Variants in HBEGF observed in about 807,000 individuals in gnomAD.
HBEGF encodes the protein heparin binding EGF like growth factor, also known as proheparin-binding EGF-like growth factor.
HBEGF carries 8 observed loss-of-function variants against 19.5 expected under a neutral mutation model. The ratio of observed to expected loss-of-function variants is 0.41; its 90% CI spans 0.24 to 0.74. HBEGF has a LOEUF of 0.74. Among genes scored for constraint, HBEGF ranks in the 30% least tolerant of loss-of-function variants. HBEGF has a pLI of 0.32. For synonymous variants in HBEGF, 97 were observed against 108.9 expected (o/e 0.89, Z 0.68); for missense variants, 207 against 256.9 (o/e 0.81, Z 1.33).
In HBEGF at chr5:140,345,951, T is replaced by C. The variant is rs1173447560; in HGVS notation, c.180A>G (p.Lys60=). The C allele has an allele frequency of 1.2e-6, 2 of 1,614,176 alleles. No homozygotes were observed. Among genetic ancestry groups the C allele is most frequent in the Non-Finnish European group, 1.7e-6 (2 of 1,180,024 alleles). The part of the protein sequence containing the change: ...LLPLGGGRDR[K]VRDLQEADLD... ...GATCTGCCTCTTGCAAGTCACGGAC[T>C]TTCCGGTCCCGGCCGCCTCCTAGGG... The change falls in exon 2 of 6, where the codon AAA becomes AAG. Residue 60 remains lysine, a synonymous_variant. Transcript: ENST00000230990.
At chr5:140,334,402 G>A in intron 5 of HBEGF, 122 bp from the exon 6 acceptor site, 2 of 475,996 alleles carry the variant, frequency 4.2e-6, no homozygotes, top group Non-Finnish European at 3.7e-6. Context: ...GTCTCCCAGG[G>A]GAGGAGAGGG....
Position 140,335,891 on chromosome 5 carries a change from C to T in HBEGF, c.535G>A (p.Val179Met), listed in dbSNP as rs372966735. 16 of 1,614,070 alleles carry T rather than the reference C, an allele frequency of 9.9e-6. No individual in the cohort carries two copies. The highest frequency in any genetic ancestry group is 2.2e-5 in the South Asian group (2 of 91,068). The stretch of plus-strand genomic sequence containing the variant: ...ACTCACCTAAACATGAGAAGCCCCA[C>T]GATGACCAGCAGACAGACAGATGAC... ...VLSSVCLLVI[V>M]GLLMFRYHRR... is the part of the protein sequence containing the mutation. The change falls in exon 4 of 6, where the codon GTG becomes ATG. Residue 179 changes from valine (V) to methionine (M), a missense_variant. Transcript: ENST00000230990.
At chr5:140,337,851 A>G (rs375820389) in intron 3 of HBEGF, among the ~76,000 whole-genome samples, 165 of 152,338 alleles carry the variant, frequency 1.1e-3, no homozygotes, top group African/African-American at 3.8e-3. Context: ...ACACTTGCAC[A>G]AGCACCCCTG....
At chr5:140,334,942 T>C (rs1296503946) in intron 4 of HBEGF, 194 bp from the exon 5 acceptor site, 1 of 608,702 alleles carries the variant, frequency 1.6e-6, no homozygotes, top group Admixed American at 2.9e-5. Flanking sequence ...CAGGATGCAA[T>C]TTACAAATAG....
At position 140,346,150 on chromosome 5, in the gene HBEGF, C is replaced by T; in HGVS notation, c.47-66G>A. On this transcript the variant is annotated intron_variant, in intron 1 of 5. Transcript: ENST00000230990. This position sits in a 1 kb window ranked among gnomAD's most constrained non-coding sequence, Gnocchi z 6.1. Reference sequence around the variant, plus strand: ...ACCCCTGACCAACACGCACCGATGCCGACGCCCGTCCGCCAGAGCGCAAGG... The same window carrying T: ...ACCCCTGACCAACACGCACCGATGCTGACGCCCGTCCGCCAGAGCGCAAGG... 6.4e-7 allele frequency: 1 copy of T among 1,569,040 alleles called. No homozygotes were observed. Among genetic ancestry groups the T allele is most frequent in the Non-Finnish European group, 8.6e-7 (1 of 1,158,510 alleles).
At chr5:140,334,782 C>G (rs1766202931) in intron 4 of HBEGF, 34 bp from the exon 5 acceptor site, 1 of 1,520,248 alleles carries the variant, frequency 6.6e-7, no homozygotes, top group South Asian at 1.1e-5. Context: ...TAAGCCCTGC[C>G]TGCTATGACA....
At chr5:140,339,134 C>T (rs925867619) in intron 3 of HBEGF, among the ~76,000 whole-genome samples, 1 of 152,244 alleles carries the variant, frequency 6.6e-6, no homozygotes, top group Non-Finnish European at 1.5e-5. Flanking sequence ...ATTACATAAT[C>T]AGACTCCAGA....
Position 140,346,149 on chromosome 5 carries a change from C to A in HBEGF, c.47-65G>T. 6.4e-7 allele frequency: 1 copy of A among 1,570,330 alleles called. No homozygotes were observed. Among genetic ancestry groups the A allele is most frequent in the Non-Finnish European group, 8.6e-7 (1 of 1,159,150 alleles). On this transcript the variant is annotated intron_variant, in intron 1 of 5. Coordinates refer to ENST00000230990, the MANE Select transcript of HBEGF (RefSeq NM_001945.3). The surrounding 1 kb of genome is among the most constrained non-coding windows in gnomAD (Gnocchi z 6.1). ...GACCCCTGACCAACACGCACCGATG[C>A]CGACGCCCGTCCGCCAGAGCGCAAG...
chr5:140,339,432 G>A (rs1014273823), intron 3 of HBEGF, among the ~76,000 whole-genome samples: 8 of 152,032 alleles, frequency 5.3e-5, no homozygotes, highest in African/African-American at 1.7e-4. Context: ...TGCTCTTGTT[G>A]CCTAGGCTGG....
intron 4 of HBEGF, chr5:140,335,014 A>G (rs948186979): frequency 7.5e-6 from 4 of 530,942 alleles, no homozygotes; most frequent in African/African-American, 5.7e-5. Context: ...AAACATTACA[A>G]TCACTACAAG....
rs763364582 is a variant in HBEGF at position 140,346,073 on chromosome 5, G to A, written c.58C>T (p.Leu20=). 1.2e-6 allele frequency: 2 copies of A among 1,612,710 alleles called. No individual in the cohort carries two copies. The highest frequency in any genetic ancestry group is 1.7e-6 in the Non-Finnish European group (2 of 1,179,308). The change falls in exon 2 of 6, where the codon CTG becomes TTG. Residue 20 remains leucine, a synonymous_variant. Coordinates refer to ENST00000230990, the MANE Select transcript of HBEGF (RefSeq NM_001945.3). This position sits in a 1 kb window ranked among gnomAD's most constrained non-coding sequence, Gnocchi z 6.1. ...CGCTCCAGGCTCTCGCCAGTCACCA[G>A]TGCCGAGAGAACTGCGGGCGAGAGG... ...KLFLAAVLSA[L]VTGESLERLR...
chr5:140,343,594 C>T (rs1335105340), intron 2 of HBEGF, among the ~76,000 whole-genome samples: 5 of 152,142 alleles, frequency 3.3e-5, no homozygotes, highest in Admixed American at 3.3e-4. Flanking sequence ...AGGAACTGTC[C>T]AGAAGGAACT....
At position 140,336,010 on chromosome 5, in the gene HBEGF, T is replaced by A; in HGVS notation, c.416A>T (p.His139Leu). Residue 139 changes from histidine (H) to leucine (L), a missense_variant, in exon 4 of 6, where the codon CAT (histidine) becomes CTT (leucine). By Grantham distance (99) the His-to-Leu change is moderately conservative. Around this residue, in one of 3 missense-constraint regions of HBEGF, gnomAD observed 77 missense variants for 106.9 expected, o/e 0.72. Coordinates refer to ENST00000230990, the MANE Select transcript of HBEGF (RefSeq NM_001945.3). ...APSCICHPGY[H>L]GERCHGLSLP... Reference sequence around the variant, plus strand: ...GCTCAGCCCATGACACCTCTCTCCATGGTAACCCGGGTGGCAGCTAGTTCA... The same window carrying A: ...GCTCAGCCCATGACACCTCTCTCCAAGGTAACCCGGGTGGCAGCTAGTTCA... 1 of 1,614,020 alleles carries A rather than the reference T, an allele frequency of 6.2e-7. No individual in the cohort carries two copies. Among genetic ancestry groups the A allele is most frequent in the Non-Finnish European group, 8.5e-7 (1 of 1,179,988 alleles).
chr5:140,342,538 G>T, intron 3 of HBEGF, 97 bp downstream of exon 3: 2 of 1,203,172 alleles, frequency 1.7e-6, no homozygotes, highest in Non-Finnish European at 2.4e-6. Context: ...AAGAAACTGG[G>T]TGAAATTATG....
At chr5:140,334,808 G>T in intron 4 of HBEGF, 60 bp from the exon 5 acceptor site, 3 of 1,331,582 alleles carry the variant, frequency 2.3e-6, no homozygotes, top group Non-Finnish European at 3.3e-6. Flanking sequence ...CAGGTCCAGA[G>T]CAGGTCCTTC....
chr5:140,334,909 C>A, intron 4 of HBEGF, 161 bp from the exon 5 acceptor site: 1 of 648,706 alleles, frequency 1.5e-6, no homozygotes, highest in Non-Finnish European at 2.8e-6. Flanking sequence ...CCAACTGCCC[C>A]GAGGAACTCC....
Position 140,346,540 on chromosome 5 carries a change from C to G in HBEGF, c.-212G>C. ...TCACTCAGCCCGCCCGCGCGGCCGC[C>G]CGACCCCGCGCGCCTAGGTCAGGCC... On this transcript the variant is annotated 5_prime_UTR_variant, in exon 1 of 6. Transcript: ENST00000230990. The surrounding 1 kb of genome is among the most constrained non-coding windows in gnomAD (Gnocchi z 6.1). 1 of 605,838 alleles carries G rather than the reference C, an allele frequency of 1.7e-6. No homozygotes were observed. The highest frequency in any genetic ancestry group is 2.8e-5 in the East Asian group (1 of 35,128). The allele number at this position is 605,838 out of a possible 1,614,324, so 37.5% of individuals were successfully genotyped here.
At chr5:140,344,952 G>A (rs1175434825) in intron 2 of HBEGF, among the ~76,000 whole-genome samples, 2 of 152,184 alleles carry the variant, frequency 1.3e-5, no homozygotes, top group Non-Finnish European at 2.9e-5. Context: ...GGCAACCCCA[G>A]AGGGCCACTG....
At chr5:140,340,071 G>A (rs2126717862) in intron 3 of HBEGF, among the ~76,000 whole-genome samples, 1 of 152,286 alleles carries the variant, frequency 6.6e-6, no homozygotes, top group Non-Finnish European at 1.5e-5. Flanking sequence ...CTGATTACTT[G>A]AGGTTAGGAG....
Sources: gnomAD v4.1 joint callset for allele counts (sites outside exome capture counted in the v4.1 genomes callset) on GRCh38, gnomAD v4.1.1 for gene constraint, gnomAD v4.1.1 regional missense constraint, Gnocchi (gnomAD v3.1) non-coding constraint, MANE v1.5 for transcripts, NCBI Gene and HGNC (gene_info 2026-07-23, HGNC 2026-07-21) for gene names.